The following FARS2 variants were observed in gnomAD, a reference collection of about 807,000 sequenced individuals.
FARS2 encodes phenylalanyl-tRNA synthetase 2, mitochondrial, also known as phenylalanine--tRNA ligase, mitochondrial.
FARS2 carries 40 observed loss-of-function variants against 46.4 expected under a neutral mutation model. The ratio of observed to expected loss-of-function variants is 0.86; its 90% CI spans 0.67 to 1.12. The LOEUF (loss-of-function observed/expected upper bound fraction) is 1.12, where lower values mean the gene tolerates loss of function less well. FARS2 is among the 50% of genes most tolerant of loss of function. The pLI is 0.00. For missense variants in FARS2, 513 were observed against 567.9 expected, an observed-to-expected ratio of 0.90 and a Z score of 0.98; for synonymous variants, 234 against 214.9, an observed-to-expected ratio of 1.09 and a Z score of -0.78.
intron 5 of FARS2, among the ~76,000 whole-genome samples, chr6:5,591,381 C>T (rs1171776916): frequency 6.6e-6 from 1 of 152,176 alleles, no homozygotes; most frequent in African/African-American, 2.4e-5. Context: ...ACGTCCCCTC[C>T]GCAACTTACA....
chr6:5,655,094 G>A (rs1010136622), intron 6 of FARS2, among the ~76,000 whole-genome samples: 2 of 152,166 alleles, frequency 1.3e-5, no homozygotes, highest in African/African-American at 2.4e-5. Context: ...AAGTTTCAGG[G>A]GAGTCAAAGG....
At chr6:5,573,037 T>C (rs1223209496) in intron 5 of FARS2, among the ~76,000 whole-genome samples, 3 of 152,248 alleles carry the variant, frequency 2.0e-5, no homozygotes, top group Admixed American at 6.5e-5. Flanking sequence ...TGTTTCTTCC[T>C]ATCCAGTCTG....
intron 4 of FARS2, among the ~76,000 whole-genome samples, chr6:5,543,377 G>GTT (rs33960204): frequency 0.048 from 6,961 of 143,918 alleles, 234 homozygotes; most frequent in Middle Eastern, 0.11. Context: ...GTTGGTGGTG[G>GTT]TTTTTTTTTT....
intron 6 of FARS2, among the ~76,000 whole-genome samples, chr6:5,664,754 C>T (rs79176397): frequency 3.3e-5 from 5 of 152,270 alleles, no homozygotes; most frequent in East Asian, 1.9e-4. Context: ...GCTTCCTCAG[C>T]GTAGGCATAT....
At chr6:5,590,679 G>A (rs1485988025) in intron 5 of FARS2, among the ~76,000 whole-genome samples, 1 of 152,154 alleles carries the variant, frequency 6.6e-6, no homozygotes, top group African/African-American at 2.4e-5. Flanking sequence ...CTTTATATTA[G>A]TCAGTGGAAG....
intron 4 of FARS2, among the ~76,000 whole-genome samples, chr6:5,522,918 G>A (rs1052592687): frequency 1.3e-5 from 2 of 152,174 alleles, no homozygotes; most frequent in Non-Finnish European, 2.9e-5. Flanking sequence ...TTAGCTAGAG[G>A]CATAAGGAGA....
chr6:5,344,661 CATTT>C (rs1317538284), intron 1 of FARS2, among the ~76,000 whole-genome samples: 2 of 152,190 alleles, frequency 1.3e-5, no homozygotes, highest in Non-Finnish European at 2.9e-5. Flanking sequence ...GGATAACTGA[CATTT>C]ATCCGTCAGC....
At chr6:5,273,713 G>A (rs767175192) in intron 1 of FARS2, among the ~76,000 whole-genome samples, 15 of 152,284 alleles carry the variant, frequency 9.9e-5, no homozygotes, top group Non-Finnish European at 1.9e-4. Context: ...TTGGTGGCCT[G>A]TACTTTTGAG....
At chr6:5,432,444 T>G (rs1305322669) in intron 4 of FARS2, among the ~76,000 whole-genome samples, 6 of 128,802 alleles carry the variant, frequency 4.7e-5, no homozygotes, top group African/African-American at 1.8e-4. Flanking sequence ...ATATAATATA[T>G]AAAATATATA....
rs369230256 is a variant in FARS2 at position 5,550,048 on chromosome 6, G to A, written c.1065+4708G>A. 3.3e-4 allele frequency among the ~76,000 whole-genome samples: 51 copies of A among 152,282 alleles called. No individual in the cohort carries two copies. In the South Asian group the frequency reaches 6.4e-3, roughly 19 times the overall value. On this transcript the variant is annotated intron_variant, in intron 5 of 6. Coordinates refer to ENST00000274680, the MANE Select transcript of FARS2 (RefSeq NM_006567.5). ...TCCTCCCCACTTTTGCACCTGAAGC[G>A]AGGTACCTACTCCCAAAATACAATG...
At chr6:5,546,882 A>G (rs1771057405) in intron 5 of FARS2, among the ~76,000 whole-genome samples, 1 of 151,824 alleles carries the variant, frequency 6.6e-6, no homozygotes, top group Non-Finnish European at 1.5e-5. Context: ...TGATTTTTTC[A>G]TCCATTTCAT....
At chr6:5,548,449 G>C (rs1771172669) in intron 5 of FARS2, among the ~76,000 whole-genome samples, 1 of 152,096 alleles carries the variant, frequency 6.6e-6, no homozygotes, top group African/African-American at 2.4e-5. Context: ...ATAATTATCT[G>C]TTTTATTTTA....
intron 6 of FARS2, among the ~76,000 whole-genome samples, chr6:5,728,371 T>G (rs1038288931): frequency 1.3e-5 from 2 of 152,138 alleles, no homozygotes; most frequent in Non-Finnish European, 2.9e-5. Context: ...AAAGCTTTAT[T>G]GTTTTTGTTT....
chr6:5,593,092 G>A (rs1003402481), intron 5 of FARS2, among the ~76,000 whole-genome samples: 4 of 152,144 alleles, frequency 2.6e-5, no homozygotes, highest in African/African-American at 9.7e-5. Flanking sequence ...AGGGTGAGCC[G>A]ACCAAAGCCG....
chr6:5,478,311 A>G (rs191324370), intron 4 of FARS2, among the ~76,000 whole-genome samples: 17 of 152,188 alleles, frequency 1.1e-4, no homozygotes, highest in African/African-American at 4.1e-4. Context: ...CTAGTATGGT[A>G]CAGACAGATA....
chr6:5,290,345 C>T (rs1028659926), intron 1 of FARS2, among the ~76,000 whole-genome samples: 1 of 152,150 alleles, frequency 6.6e-6, no homozygotes, highest in African/African-American at 2.4e-5. Flanking sequence ...GTTCTGTGGA[C>T]AGAAACCATG....
At chr6:5,487,483 T>C (rs1766843972) in intron 4 of FARS2, among the ~76,000 whole-genome samples, 1 of 152,244 alleles carries the variant, frequency 6.6e-6, no homozygotes, top group Non-Finnish European at 1.5e-5. Flanking sequence ...GATATGTTTT[T>C]ATGTTTAATA....
chr6:5,251,180 A>G, the FARS2 span, among the ~76,000 whole-genome samples: 2 of 151,956 alleles, frequency 1.3e-5, no homozygotes, highest in Non-Finnish European at 2.9e-5. Flanking sequence ...ATATACATAC[A>G]CACACACACA....
At chr6:5,569,933 A>G (rs984801472) in intron 5 of FARS2, among the ~76,000 whole-genome samples, 2 of 151,198 alleles carry the variant, frequency 1.3e-5, no homozygotes, top group Non-Finnish European at 2.9e-5. Flanking sequence ...GGAGAGAGGT[A>G]GAAGACGGAT....
Sources: gnomAD v4.1 joint callset for allele counts (sites outside exome capture counted in the v4.1 genomes callset) on GRCh38, gnomAD v4.1.1 for gene constraint, MANE v1.5 for transcripts, NCBI Gene and HGNC (gene_info 2026-07-23, HGNC 2026-07-21) for gene names.